The following ANXA10 variants were observed in gnomAD, a reference collection of about 807,000 sequenced individuals.
The protein encoded by ANXA10 is annexin 14.
In ANXA10, 49 loss-of-function variants were observed where a neutral mutation model predicts 53.5. The ratio of observed to expected loss-of-function variants is 0.92; its 90% CI spans 0.73 to 1.16. ANXA10 has a LOEUF of 1.16. Among genes scored for constraint, ANXA10 ranks in the 50% most tolerant of loss-of-function variants. ANXA10 has a pLI of 0.00. For synonymous variants in ANXA10, 131 were observed against 128.9 expected (o/e 1.02, Z -0.11); for missense variants, 393 against 394.4 (o/e 1.00, Z 0.03).
intron 6 of ANXA10, among the ~76,000 whole-genome samples, chr4:168,170,054 AT>A (rs1329178238): frequency 6.6e-6 from 1 of 152,216 alleles, no homozygotes; most frequent in South Asian, 2.1e-4. Flanking sequence ...AATTGTAGTT[AT>A]TTTTTTCCTA....
In ANXA10 at chr4:168,177,745, C is replaced by T. The variant is rs755499739; in HGVS notation, c.486C>T (p.Thr162=). Residue 162 remains threonine, a synonymous_variant, in exon 7 of 12, where the codon ACC becomes ACT. Transcript: ENST00000359299. ...RDTLMNLVQG[T]REEGYTDPAM... ...AACCTGTGCTTACTTTACAGGGGAC[C>T]AGAGAGGAAGGATATACAGACCCTG... The T allele has an allele frequency of 1.6e-5, 26 of 1,613,906 alleles. No homozygotes were observed. In the African/African-American group the frequency reaches 2.9e-4, roughly 18 times the overall value.
intron 3 of ANXA10, among the ~76,000 whole-genome samples, chr4:168,148,323 C>T (rs867202817): frequency 3.9e-5 from 6 of 152,120 alleles, no homozygotes; most frequent in Non-Finnish European, 5.9e-5. Context: ...CCCACCACCA[C>T]GCCCAGCTAA....
intron 3 of ANXA10, among the ~76,000 whole-genome samples, chr4:168,148,684 T>C (rs1005881038): frequency 2.0e-5 from 3 of 152,212 alleles, no homozygotes; most frequent in Non-Finnish European, 2.9e-5. Flanking sequence ...TAAGTTAGTG[T>C]TTCTTTAGTT....
chr4:168,140,618 C>CTTTTTTT (rs35945870), intron 3 of ANXA10, among the ~76,000 whole-genome samples: 6 of 147,050 alleles, frequency 4.1e-5, no homozygotes, highest in Non-Finnish European at 4.5e-5. Flanking sequence ...TAAGAAATGT[C>CTTTTTTT]TTTTTTTTTT....
rs770639711 is a variant in ANXA10, at chr4:168,092,770, T to A, written c.18+52T>A. On this transcript the variant is annotated intron_variant, in intron 1 of 11. Coordinates refer to ENST00000359299, the MANE Select transcript of ANXA10 (RefSeq NM_007193.5). ...GCTTTTCACTCTTTTGAAACTTGAT[T>A]TATAAAATTTCATTTGTGTTTTTTG... The A allele has an allele frequency of 2.1e-6, 3 of 1,445,754 alleles. No individual in the cohort carries two copies. In the Admixed American group the frequency reaches 7.6e-5, roughly 36 times the overall value. 89.6% of individuals were successfully genotyped at this position (1,445,754 alleles called of 1,614,324 possible). A position where few individuals can be genotyped will look rare whatever the true frequency, so the allele number is the denominator to read the frequency against.
chr4:168,164,936 T>C (rs908834520), intron 5 of ANXA10, among the ~76,000 whole-genome samples: 3 of 152,100 alleles, frequency 2.0e-5, no homozygotes, highest in Admixed American at 6.6e-5. Flanking sequence ...TTAGAAAAAG[T>C]ATTGGGCTGG....
intron 1 of ANXA10, among the ~76,000 whole-genome samples, chr4:168,125,605 T>C (rs1035653273): frequency 6.6e-6 from 1 of 152,172 alleles, no homozygotes; most frequent in Non-Finnish European, 1.5e-5. Flanking sequence ...ATATGATCCA[T>C]ATATTGATGT....
chr4:168,096,912 A>ATATATATATATATATATGTATG (rs1730555801), intron 1 of ANXA10, among the ~76,000 whole-genome samples: 1 of 104,514 alleles, frequency 9.6e-6, no homozygotes, highest in African/African-American at 5.6e-5. Context: ...ATACAAATGC[A>ATATATATATATATATATGTATG]TATATATATA....
At chr4:168,101,209 A>C (rs1474864786) in intron 1 of ANXA10, among the ~76,000 whole-genome samples, 1 of 151,862 alleles carries the variant, frequency 6.6e-6, no homozygotes, top group African/African-American at 2.4e-5. Flanking sequence ...ATTTTCCTTC[A>C]CTGGCTGTAT....
At chr4:168,147,942 G>A (rs1731431499) in intron 3 of ANXA10, among the ~76,000 whole-genome samples, 1 of 152,178 alleles carries the variant, frequency 6.6e-6, no homozygotes, top group African/African-American at 2.4e-5. Flanking sequence ...CTCTGCATTA[G>A]TCAGCATGAC....
intron 6 of ANXA10, among the ~76,000 whole-genome samples, chr4:168,166,847 T>TA (rs1553958472): frequency 1.3e-5 from 2 of 152,010 alleles, no homozygotes; most frequent in Non-Finnish European, 2.9e-5. Flanking sequence ...CAATGCCTTT[T>TA]AAAAAAAGAA....
chr4:168,187,282 C>A, intron 11 of ANXA10, 84 bp from the exon 12 acceptor site: 1 of 848,328 alleles, frequency 1.2e-6, no homozygotes, highest in South Asian at 2.4e-5. Context: ...ATGGCTCTTT[C>A]ATAGTGCAGT....
chr4:168,179,440 T>C, intron 9 of ANXA10, 128 bp downstream of exon 9: 1 of 646,474 alleles, frequency 1.5e-6, no homozygotes, highest in East Asian at 3.0e-5. Context: ...TTTAATTTTT[T>C]AAAAGGACAT....
At chr4:168,113,154 T>C (rs1730838247) in intron 1 of ANXA10, 1 of 152,282 alleles carries the variant, frequency 6.6e-6, no homozygotes, top group African/African-American at 2.4e-5. Flanking sequence ...TATGCTGTCT[T>C]AGTTCATTGT....
intron 1 of ANXA10, among the ~76,000 whole-genome samples, chr4:168,099,912 A>G (rs541289324): frequency 3.3e-5 from 5 of 152,274 alleles, no homozygotes; most frequent in Admixed American, 2.6e-4. Flanking sequence ...TCTGCCAACA[A>G]TAACAGAGAA....
chr4:168,136,327 TAACTC>T (rs1375791832), intron 2 of ANXA10, among the ~76,000 whole-genome samples: 2 of 152,196 alleles, frequency 1.3e-5, no homozygotes, highest in Admixed American at 6.5e-5. Flanking sequence ...ATTTCAGCAT[TAACTC>T]AAGAGTCCAC....
intron 1 of ANXA10, among the ~76,000 whole-genome samples, chr4:168,111,913 T>C (rs955694877): frequency 6.6e-6 from 1 of 152,214 alleles, no homozygotes; most frequent in Non-Finnish European, 1.5e-5. Context: ...GGCTGAGTAG[T>C]ATTTTCAGAT....
chr4:168,095,993 T>C (rs1730534683), intron 1 of ANXA10, among the ~76,000 whole-genome samples: 2 of 152,168 alleles, frequency 1.3e-5, no homozygotes, highest in Admixed American at 6.6e-5. Flanking sequence ...GTGTCTACTA[T>C]GGGCAATGAG....
chr4:168,139,679 C>A, intron 3 of ANXA10, 99 bp downstream of exon 3: 3 of 751,732 alleles, frequency 4.0e-6, no homozygotes, highest in Non-Finnish European at 4.4e-6. Context: ...TCACAGATTG[C>A]AAATATCTCA....
Sources: allele counts gnomAD v4.1 joint callset (sites outside exome capture counted in the v4.1 genomes callset), GRCh38; gene constraint gnomAD v4.1.1; transcripts MANE v1.5; gene names NCBI Gene and HGNC (gene_info 2026-07-23, HGNC 2026-07-21).